The following RALGPS2 variants were observed in gnomAD, a reference collection of about 807,000 sequenced individuals.
The protein encoded by RALGPS2 is ras-specific guanine nucleotide-releasing factor RalGPS2.
Under a neutral mutation model 86.8 loss-of-function variants are expected in RALGPS2, and 43 were observed. The observed-to-expected ratio is 0.50, with a 90% confidence interval of 0.39 to 0.64. The LOEUF is 0.64. Ranked by LOEUF, RALGPS2 falls within the 30% of genes least tolerant of loss-of-function variation. RALGPS2 has a pLI of 0.00. For synonymous variants in RALGPS2, 243 were observed against 231.3 expected (o/e 1.05, Z -0.46); for missense variants, 536 against 694.6 (o/e 0.77, Z 2.57).
intron 1 of RALGPS2, among the ~76,000 whole-genome samples, chr1:178,734,043 A>C (rs576468879): frequency 2.5e-4 from 38 of 152,356 alleles, no homozygotes; most frequent in African/African-American, 9.1e-4. Context: ...ACTCAATTTA[A>C]AAACAGGCAA....
In RALGPS2 at chr1:178,830,536, A is replaced by G. The variant is rs147837603; in HGVS notation, c.481-2888A>G. On this transcript the variant is annotated intron_variant, in intron 7 of 19. Transcript: ENST00000367635. ...AAAATTGGTCACCAGTTTGGGGGAA[A>G]AAATGAAATCAGGCCCCTTGCGCCA... Among the ~76,000 whole-genome samples, 190 of 152,316 alleles carry G rather than the reference A, an allele frequency of 1.2e-3. 3 individuals carry two copies. The East Asian group carries it at 0.03, about 24-fold the overall frequency.
intron 5 of RALGPS2, among the ~76,000 whole-genome samples, chr1:178,809,415 C>T (rs1654877162): frequency 6.6e-6 from 1 of 151,334 alleles, no homozygotes; most frequent in Non-Finnish European, 1.5e-5. Context: ...GGAAATCCTC[C>T]AAGGGCAGTT....
intron 2 of RALGPS2, among the ~76,000 whole-genome samples, chr1:178,779,901 T>G (rs1653297938): frequency 6.6e-6 from 1 of 152,146 alleles, no homozygotes; most frequent in African/African-American, 2.4e-5. Flanking sequence ...GCCTGGCTAA[T>G]TTTTGTATTT....
chr1:178,878,691 T>C (rs1659100265), intron 9 of RALGPS2, among the ~76,000 whole-genome samples: 1 of 152,144 alleles, frequency 6.6e-6, no homozygotes, highest in African/African-American at 2.4e-5. Flanking sequence ...ATTAAAAAAA[T>C]ACAACAATCT....
intron 8 of RALGPS2, among the ~76,000 whole-genome samples, chr1:178,857,558 A>AT (rs761121593): frequency 2.4e-4 from 36 of 152,212 alleles, no homozygotes; most frequent in Non-Finnish European, 4.7e-4. Flanking sequence ...TCTGAGGAGC[A>AT]TTGCTCTTAC....
chr1:178,894,101 A>C (rs1659835415), intron 16 of RALGPS2, 77 bp downstream of exon 16: 4 of 846,378 alleles, frequency 4.7e-6, no homozygotes, highest in Non-Finnish European at 7.2e-6. Context: ...AAGTACTAAA[A>C]CAATTAAAAT....
chr1:178,741,709 A>G (rs1040442435), intron 1 of RALGPS2, among the ~76,000 whole-genome samples: 3 of 152,250 alleles, frequency 2.0e-5, no homozygotes, highest in African/African-American at 4.8e-5. Flanking sequence ...ATTAGAAACT[A>G]TACTTACTTA....
chr1:178,765,690 C>T (rs966960465), intron 1 of RALGPS2, among the ~76,000 whole-genome samples: 4 of 152,146 alleles, frequency 2.6e-5, no homozygotes, highest in African/African-American at 9.7e-5. Context: ...GAGACAGGGG[C>T]TTATTTCGTC....
In RALGPS2 at chr1:178,897,945, A is replaced by G. The variant is rs548694915; in HGVS notation, c.1524+189A>G. 6.6e-5 allele frequency among the ~76,000 whole-genome samples: 10 copies of G among 152,092 alleles called. No individual in the cohort carries two copies. The South Asian group carries it at 1.4e-3, about 22-fold the overall frequency. The stretch of plus-strand genomic sequence containing the variant: ...TCCATTGCAAATGTCAAAACTGCAC[A>G]TTACGCTTATCTATTTTGACATCAA... On this transcript the variant is annotated intron_variant, in intron 17 of 19. Transcript: ENST00000367635.
chr1:178,795,627 T>C (rs1218909072), intron 4 of RALGPS2, among the ~76,000 whole-genome samples: 2 of 152,076 alleles, frequency 1.3e-5, no homozygotes, highest in African/African-American at 2.4e-5. Context: ...TTGGCCAGGC[T>C]TGTCTCGAAC....
chr1:178,871,374 AT>A (rs1280018755), intron 8 of RALGPS2, among the ~76,000 whole-genome samples: 4 of 152,178 alleles, frequency 2.6e-5, no homozygotes, highest in Non-Finnish European at 4.4e-5. Context: ...GAAAAAAAAA[AT>A]AGTGCTCCAC....
chr1:178,822,165 G>T (rs925777175), intron 7 of RALGPS2, among the ~76,000 whole-genome samples: 1 of 152,120 alleles, frequency 6.6e-6, no homozygotes, highest in East Asian at 1.9e-4. Context: ...AAAACTAGAT[G>T]ATTAACATGG....
At position 178,919,082 on chromosome 1, in the gene RALGPS2, C is replaced by T. The variant is rs756103570; in HGVS notation, c.*2723C>T. On this transcript the variant is annotated 3_prime_UTR_variant, in exon 20 of 20. Coordinates refer to ENST00000367635, the MANE Select transcript of RALGPS2 (RefSeq NM_152663.5). The stretch of plus-strand genomic sequence containing the variant: ...CCTGTTGAAAATAACTACAGAATGA[C>T]CTTCCAGAGCACTGTTTTTGGCCTC... 1 of 151,976 alleles carries T rather than the reference C, an allele frequency of 6.6e-6. No homozygotes were observed. The highest frequency in any genetic ancestry group is 1.5e-5 in the Non-Finnish European group (1 of 67,902). 9.4% of individuals were successfully genotyped at this position (151,976 alleles called of 1,614,324 possible).
At chr1:178,853,660 A>G (rs1572403963) in intron 8 of RALGPS2, 1 of 1,612,010 alleles carries the variant, frequency 6.2e-7, no homozygotes, top group Non-Finnish European at 8.5e-7. Flanking sequence ...TAACAGTCCA[A>G]CCCCCAGGGT....
At chr1:178,828,795 A>G (rs1655878285) in intron 7 of RALGPS2, among the ~76,000 whole-genome samples, 2 of 152,334 alleles carry the variant, frequency 1.3e-5, no homozygotes, top group Admixed American at 6.5e-5. Context: ...AAAGATGTGG[A>G]GAAAAGGGAA....
chr1:178,859,826 C>CCG (rs1657865934), intron 8 of RALGPS2, among the ~76,000 whole-genome samples: 1 of 85,330 alleles, frequency 1.2e-5, no homozygotes, highest in Non-Finnish European at 2.7e-5. Context: ...GCCCGCCCCC[C>CCG]CCCCCCCAAC....
At position 178,902,184 on chromosome 1, in the gene RALGPS2, C is replaced by T. The variant is rs758545019; in HGVS notation, c.1603C>T (p.Leu535Phe). The change falls in exon 18 of 20, where the codon CTC becomes TTC. Residue 535 changes from leucine to phenylalanine, a missense_variant. Physicochemically the swap from Leu to Phe is conservative, Grantham distance 22 (BLOSUM62 0). Transcript: ENST00000367635. ...GGCTGATGACCCTGAACATCCTGAT[C>T]TCTTCCTGCTGACTGACTCTGAGAA... ...MMADDPEHPD[L>F]FLLTDSEKGN... is the part of the protein sequence containing the mutation. 1.2e-6 allele frequency: 2 copies of T among 1,612,812 alleles called. No homozygotes were observed. Among genetic ancestry groups the T allele is most frequent in the Middle Eastern group, 1.7e-4 (1 of 6,056 alleles).
At chr1:178,813,044 C>T (rs1363022964) in intron 6 of RALGPS2, among the ~76,000 whole-genome samples, 2 of 150,312 alleles carry the variant, frequency 1.3e-5, no homozygotes, top group African/African-American at 4.9e-5. Flanking sequence ...GTGATTCTCA[C>T]ATCTCAGCTT....
intron 8 of RALGPS2, chr1:178,852,963 A>C (rs1302204376): frequency 6.2e-7 from 1 of 1,600,602 alleles, no homozygotes; most frequent in Admixed American, 1.7e-5. Context: ...TCTGTTAATA[A>C]GTGAAGAAAC....
Sources: gnomAD v4.1 joint callset for allele counts (sites outside exome capture counted in the v4.1 genomes callset) on GRCh38, gnomAD v4.1.1 for gene constraint, MANE v1.5 for transcripts, NCBI Gene and HGNC (gene_info 2026-07-23, HGNC 2026-07-21) for gene names.